PCMTD1: variants seen among roughly 807,000 people sequenced by gnomAD.
PCMTD1 encodes protein-L-isoaspartate (D-aspartate) O-methyltransferase domain containing 1.
A neutral mutation model predicts 37.6 loss-of-function variants in PCMTD1; 12 were observed. The ratio of observed to expected loss-of-function variants is 0.32; its 90% CI spans 0.20 to 0.52. The LOEUF is 0.52. Ranked by LOEUF, PCMTD1 falls within the 20% of genes least tolerant of loss-of-function variation. PCMTD1 has a pLI of 0.97. For synonymous variants in PCMTD1, 117 were observed against 135.8 expected (o/e 0.86, Z 0.96); for missense variants, 235 against 421.3 (o/e 0.56, Z 3.87).
intron 2 of PCMTD1, among the ~76,000 whole-genome samples, chr8:51,853,819 T>A (rs1302305878): frequency 1.3e-5 from 2 of 152,104 alleles, no homozygotes; most frequent in East Asian, 3.9e-4. Flanking sequence ...TGGTCATCTT[T>A]GTATGACCAC....
chr8:51,831,797 T>C (rs1230325664), intron 4 of PCMTD1, among the ~76,000 whole-genome samples: 1 of 152,226 alleles, frequency 6.6e-6, no homozygotes, highest in African/African-American at 2.4e-5. Flanking sequence ...TACTCAAATA[T>C]GGCCAAGTGA....
intron 1 of PCMTD1, among the ~76,000 whole-genome samples, chr8:51,892,822 T>G (rs2038953913): frequency 6.6e-6 from 1 of 151,670 alleles, no homozygotes; most frequent in East Asian, 1.9e-4. Context: ...GAAAGAAAAT[T>G]TATTTATATT....
At chr8:51,865,806 C>T (rs2038546601) in intron 1 of PCMTD1, among the ~76,000 whole-genome samples, 1 of 151,426 alleles carries the variant, frequency 6.6e-6, no homozygotes, top group Admixed American at 6.6e-5. Context: ...GAACAAAATG[C>T]TAGCTGGAAC....
chr8:51,883,117 A>G (rs1192764125), intron 1 of PCMTD1, among the ~76,000 whole-genome samples: 2 of 152,156 alleles, frequency 1.3e-5, no homozygotes, highest in African/African-American at 4.8e-5. Flanking sequence ...AGCCTGGGCG[A>G]CACAGCGAGA....
intron 1 of PCMTD1, among the ~76,000 whole-genome samples, chr8:51,867,501 G>T (rs559650713): frequency 8.5e-6 from 1 of 117,932 alleles, no homozygotes; most frequent in South Asian, 2.7e-4. Context: ...GTGTGTGTGT[G>T]TGTGTGTGTG....
At chr8:51,867,657 T>C (rs2038576742) in intron 1 of PCMTD1, among the ~76,000 whole-genome samples, 1 of 151,986 alleles carries the variant, frequency 6.6e-6, no homozygotes. Context: ...CAATAACATG[T>C]ATGAACCTGT....
intron 1 of PCMTD1, among the ~76,000 whole-genome samples, chr8:51,884,197 C>CG (rs1263165294): frequency 3.3e-5 from 5 of 152,046 alleles, no homozygotes; most frequent in African/African-American, 4.8e-5. Context: ...TAAAATAAAC[C>CG]AGGTGTACCT....
chr8:51,822,022 A>G (rs2037856221), intron 5 of PCMTD1, among the ~76,000 whole-genome samples: 1 of 152,204 alleles, frequency 6.6e-6, no homozygotes, highest in Non-Finnish European at 1.5e-5. Context: ...GGCGTGAGCC[A>G]CCGTGCCTGG....
intron 4 of PCMTD1, 111 bp downstream of exon 4, chr8:51,833,407 G>T: frequency 3.6e-6 from 3 of 836,234 alleles, no homozygotes; most frequent in Non-Finnish European, 5.3e-6. Context: ...CTGGTGAAAA[G>T]TAATTTTTTC....
intron 3 of PCMTD1, among the ~76,000 whole-genome samples, chr8:51,844,612 AGAGG>A (rs1229278169): frequency 6.6e-6 from 1 of 152,296 alleles, no homozygotes; most frequent in Admixed American, 6.5e-5. Context: ...CAAAAGTACA[AGAGG>A]AAGGGGAGGA....
intron 3 of PCMTD1, 166 bp downstream of exon 3, chr8:51,845,495 A>G (rs1288383161): frequency 9.9e-6 from 5 of 506,082 alleles, no homozygotes; most frequent in Non-Finnish European, 1.8e-5. Flanking sequence ...TACATATAGT[A>G]AAAGTTATAC....
At chr8:51,841,097 A>C (rs1032529833) in intron 3 of PCMTD1, among the ~76,000 whole-genome samples, 12 of 152,180 alleles carry the variant, frequency 7.9e-5, no homozygotes, top group African/African-American at 2.9e-4. Flanking sequence ...TAAGAGCCAA[A>C]CAGAACTAAG....
At chr8:51,847,131 C>T (rs1480168500) in intron 2 of PCMTD1, among the ~76,000 whole-genome samples, 1 of 152,096 alleles carries the variant, frequency 6.6e-6, no homozygotes, top group East Asian at 1.9e-4. Flanking sequence ...TTTATGACTT[C>T]TTGTAATTCC....
intron 1 of PCMTD1, among the ~76,000 whole-genome samples, chr8:51,898,592 G>A (rs935637079): frequency 6.6e-6 from 1 of 152,138 alleles, no homozygotes; most frequent in Non-Finnish European, 1.5e-5. Flanking sequence ...GACGAGCCGA[G>A]GACGGGCCGA....
chr8:51,879,195 C>A (rs2038757117), intron 1 of PCMTD1, among the ~76,000 whole-genome samples: 1 of 151,460 alleles, frequency 6.6e-6, no homozygotes, highest in African/African-American at 2.4e-5. Flanking sequence ...GTATATATGT[C>A]CTAAAGCTCA....
At chr8:51,828,052 AAG>A (rs1437289541) in intron 5 of PCMTD1, among the ~76,000 whole-genome samples, 1 of 152,210 alleles carries the variant, frequency 6.6e-6, no homozygotes, top group Admixed American at 6.5e-5. Flanking sequence ...AAAATAAACT[AAG>A]AAAACTATCA....
intron 1 of PCMTD1, among the ~76,000 whole-genome samples, chr8:51,892,905 G>A (rs1258152844): frequency 6.6e-6 from 1 of 152,118 alleles, no homozygotes; most frequent in Non-Finnish European, 1.5e-5. Flanking sequence ...TCCCATCCCA[G>A]GGGGGAAAAT....
At chr8:51,863,966 A>T (rs1355609122) in intron 1 of PCMTD1, among the ~76,000 whole-genome samples, 1 of 151,884 alleles carries the variant, frequency 6.6e-6, no homozygotes, top group East Asian at 1.9e-4. Flanking sequence ...GACTGCATGG[A>T]TTTTTAAAAA....
intron 1 of PCMTD1, among the ~76,000 whole-genome samples, chr8:51,872,223 C>G (rs894313479): frequency 9.9e-6 from 1 of 101,152 alleles, no homozygotes; most frequent in Non-Finnish European, 1.7e-5. Flanking sequence ...CCCTTTTACT[C>G]AACACAAGAC....
Sources: allele counts gnomAD v4.1 joint callset (sites outside exome capture counted in the v4.1 genomes callset), GRCh38; gene constraint gnomAD v4.1.1; transcripts MANE v1.5; gene names NCBI Gene and HGNC (gene_info 2026-07-23, HGNC 2026-07-21).